ATG7: variants seen among roughly 807,000 people sequenced by gnomAD.
ATG7 encodes the protein ubiquitin-like modifier-activating enzyme ATG7.
ATG7 carries 70 observed loss-of-function variants against 82.4 expected under a neutral mutation model. That is an observed-to-expected ratio of 0.85 (90% CI 0.70 to 1.04). The LOEUF (loss-of-function observed/expected upper bound fraction) is 1.04. ATG7 is among the 50% of genes least tolerant of loss of function. ATG7 has a pLI of 0.00. For synonymous variants in ATG7, 287 were observed against 313.0 expected (o/e 0.92, Z 0.88); for missense variants, 792 against 864.3 (o/e 0.92, Z 1.05).
chr3:11,470,482 G>C (rs1268276541), intron 20 of ATG7, among the ~76,000 whole-genome samples: 1 of 152,210 alleles, frequency 6.6e-6, no homozygotes, highest in Non-Finnish European at 1.5e-5. Context: ...ACCCTCATAT[G>C]TGCAGTCCAT....
intron 19 of ATG7, among the ~76,000 whole-genome samples, chr3:11,382,310 C>T (rs998593949): frequency 3.3e-5 from 5 of 152,236 alleles, no homozygotes; most frequent in Non-Finnish European, 5.9e-5. Context: ...CGAGCACGCA[C>T]GCACGCGAGC....
intron 18 of ATG7, among the ~76,000 whole-genome samples, chr3:11,376,905 A>C (rs778945129): frequency 6.6e-6 from 1 of 151,814 alleles, no homozygotes; most frequent in South Asian, 2.1e-4. Context: ...CGCCCAGCTA[A>C]TTTTTTTGTA....
At chr3:11,507,022 T>G (rs911891262) in intron 20 of ATG7, among the ~76,000 whole-genome samples, 1 of 152,172 alleles carries the variant, frequency 6.6e-6, no homozygotes, top group Non-Finnish European at 1.5e-5. Flanking sequence ...GGCTCATGCC[T>G]GTAATCCCAG....
chr3:11,485,346 G>A (rs1471240473), intron 20 of ATG7, among the ~76,000 whole-genome samples: 2 of 152,206 alleles, frequency 1.3e-5, no homozygotes, highest in African/African-American at 4.8e-5. Flanking sequence ...CGTCTTTTGA[G>A]AAGTGTCTGT....
chr3:11,315,515 AT>A, intron 9 of ATG7, 22 bp downstream of exon 9: 1 of 1,541,228 alleles, frequency 6.5e-7, no homozygotes, highest in Non-Finnish European at 8.7e-7. Flanking sequence ...TTTGAGTATC[AT>A]TTTATTATAT....
intron 20 of ATG7, among the ~76,000 whole-genome samples, chr3:11,499,979 A>G (rs1389593505): frequency 6.6e-6 from 1 of 152,160 alleles, no homozygotes; most frequent in East Asian, 1.9e-4. Flanking sequence ...CTGATGGGCC[A>G]CAAACGCCAC....
At chr3:11,310,823 G>A (rs915185300) in intron 7 of ATG7, among the ~76,000 whole-genome samples, 30 of 151,920 alleles carry the variant, frequency 2.0e-4, no homozygotes, top group African/African-American at 6.5e-4. Context: ...TAGTAGAGAG[G>A]GGGTTTCACC....
intron 20 of ATG7, among the ~76,000 whole-genome samples, chr3:11,453,595 T>A (rs1295899232): frequency 6.6e-6 from 1 of 152,238 alleles, no homozygotes; most frequent in Non-Finnish European, 1.5e-5. Context: ...AAGCTCTTTG[T>A]CTTCTATGTG....
chr3:11,403,371 A>G lies in ATG7; in HGVS notation c.1956+23319A>G, dbSNP rs544726658. Among the ~76,000 whole-genome samples the G allele has an allele frequency of 9.2e-5, 14 of 151,570 alleles. No individual in the cohort carries two copies. The East Asian group carries it at 2.7e-3, about 29-fold the overall frequency. On this transcript the variant is annotated intron_variant, in intron 19 of 20. Coordinates refer to ENST00000693202, the MANE Select transcript of ATG7 (RefSeq NM_001349232.2). Reference sequence around the variant, plus strand: ...TTAATCTCTTAAGGGTATTGGGGGAAGGTAGTAAGGAGAAGGAGATTAAGA... The same window carrying G: ...TTAATCTCTTAAGGGTATTGGGGGAGGGTAGTAAGGAGAAGGAGATTAAGA...
chr3:11,461,219 A>G (rs2152998565), intron 20 of ATG7, among the ~76,000 whole-genome samples: 1 of 152,346 alleles, frequency 6.6e-6, no homozygotes, highest in South Asian at 2.1e-4. Flanking sequence ...ATGCAGAGAC[A>G]GCCTGCACTG....
chr3:11,500,411 A>G (rs2454478), intron 20 of ATG7, among the ~76,000 whole-genome samples: 80,094 of 151,772 alleles, frequency 0.53, 22,119 homozygotes, highest in East Asian at 0.66. Flanking sequence ...TGCCAAAAAA[A>G]TAGAAGTAAC....
intron 11 of ATG7, among the ~76,000 whole-genome samples, chr3:11,334,953 CAAA>C (rs57211483): frequency 0.015 from 1,763 of 119,530 alleles, 32 homozygotes; most frequent in East Asian, 0.06. Context: ...GACTCTGTCT[CAAA>C]AAAAAAAAAA....
At chr3:11,369,783 A>T (rs1207422082) in intron 18 of ATG7, among the ~76,000 whole-genome samples, 1 of 151,188 alleles carries the variant, frequency 6.6e-6, no homozygotes, top group Non-Finnish European at 1.5e-5. Flanking sequence ...CTAACCTTAC[A>T]GGTTGAAGGA....
chr3:11,310,154 G>C (rs1304562982), intron 7 of ATG7, among the ~76,000 whole-genome samples: 1 of 150,148 alleles, frequency 6.7e-6, no homozygotes, highest in South Asian at 2.1e-4. Flanking sequence ...AACAGAGTGA[G>C]ACCCTGTCTC....
chr3:11,315,638 C>T, intron 9 of ATG7, 145 bp downstream of exon 9: 1 of 687,740 alleles, frequency 1.5e-6, no homozygotes, highest in East Asian at 3.0e-5. Flanking sequence ...TTATCTCTAT[C>T]CTCTCCCACC....
chr3:11,540,044 A>T (rs996618694), intron 20 of ATG7, among the ~76,000 whole-genome samples: 4 of 152,162 alleles, frequency 2.6e-5, no homozygotes, highest in African/African-American at 9.7e-5. Context: ...GTGTGTTTTC[A>T]CTTCTCTTGG....
chr3:11,406,072 C>T (rs2080306429), intron 19 of ATG7, among the ~76,000 whole-genome samples: 1 of 151,952 alleles, frequency 6.6e-6, no homozygotes, highest in South Asian at 2.1e-4. Flanking sequence ...TCACTGCAAC[C>T]TCTGCCTCCC....
intron 19 of ATG7, among the ~76,000 whole-genome samples, chr3:11,424,440 T>A (rs975527912): frequency 1.3e-5 from 2 of 151,850 alleles, no homozygotes; most frequent in African/African-American, 2.4e-5. Context: ...AATTGTGCCA[T>A]TGCACTCCAG....
rs77512352 is a variant in ATG7, at chr3:11,528,008, C to T, written c.2080-26803C>T. Among the ~76,000 whole-genome samples, 637 of 152,318 alleles carry T rather than the reference C, an allele frequency of 4.2e-3. 5 individuals are homozygous for T. The highest frequency in any genetic ancestry group is 0.015 in the African/African-American group (609 of 41,576). Reference sequence around the variant, plus strand: ...GTCATCTTGAATCATTAAATCTTCCCTGCTTTGCCTGTTACTTGAAGATCA... The same window carrying T: ...GTCATCTTGAATCATTAAATCTTCCTTGCTTTGCCTGTTACTTGAAGATCA... On this transcript the variant is annotated intron_variant, in intron 20 of 20. Coordinates refer to ENST00000693202, the MANE Select transcript of ATG7 (RefSeq NM_001349232.2).
Sources: gnomAD v4.1 joint callset for allele counts (sites outside exome capture counted in the v4.1 genomes callset) on GRCh38, gnomAD v4.1.1 for gene constraint, MANE v1.5 for transcripts, NCBI Gene and HGNC (gene_info 2026-07-23, HGNC 2026-07-21) for gene names.